The following SEMA3C variants were observed in gnomAD, a reference collection of about 807,000 sequenced individuals.
The protein encoded by SEMA3C is semaphorin-3C.
SEMA3C carries 47 observed loss-of-function variants against 89.4 expected under a neutral mutation model. That is an observed-to-expected ratio of 0.53 (90% CI 0.42 to 0.67). The LOEUF (loss-of-function observed/expected upper bound fraction) is 0.67. SEMA3C is among the 30% of genes least tolerant of loss of function. The pLI, the probability that SEMA3C is intolerant of heterozygous loss-of-function variation, is 0.00. For synonymous variants in SEMA3C, 310 were observed against 320.2 expected, an observed-to-expected ratio of 0.97 and a Z score of 0.34; for missense variants, 839 against 929.1, an observed-to-expected ratio of 0.90 and a Z score of 1.26.
chr7:80,921,445 G>C (rs527701180), upstream of SEMA3C, among the ~76,000 whole-genome samples: 12 of 152,268 alleles, frequency 7.9e-5, no homozygotes, highest in African/African-American at 2.9e-4. Context: ...AAGCCCCTAA[G>C]ATTAATCTCT....
intron 2 of SEMA3C, among the ~76,000 whole-genome samples, chr7:80,902,083 G>C (rs1474737590): frequency 6.6e-6 from 1 of 152,136 alleles, no homozygotes. Context: ...TTCCTGAGTA[G>C]TTGGGACTAC....
intron 2 of SEMA3C, among the ~76,000 whole-genome samples, chr7:80,868,913 G>T (rs1164798533): frequency 6.6e-6 from 1 of 151,932 alleles, no homozygotes; most frequent in Non-Finnish European, 1.5e-5. Flanking sequence ...GCATAACGAG[G>T]TTTTCTTTTC....
intron 11 of SEMA3C, chr7:80,793,566 G>T (rs1390017141): frequency 2.4e-6 from 1 of 410,790 alleles, no homozygotes; most frequent in Non-Finnish European, 4.8e-6. Flanking sequence ...TGAAACAAAT[G>T]TAAGATAAAC....
At chr7:80,747,424 C>T (rs1221514495) in intron 17 of SEMA3C, among the ~76,000 whole-genome samples, 2 of 151,990 alleles carry the variant, frequency 1.3e-5, no homozygotes, top group Non-Finnish European at 2.9e-5. Flanking sequence ...AAGAAAATTA[C>T]ATTTTAGTTG....
chr7:80,774,523 T>A (rs904475835), intron 12 of SEMA3C, among the ~76,000 whole-genome samples: 1 of 151,938 alleles, frequency 6.6e-6, no homozygotes, highest in Non-Finnish European at 1.5e-5. Flanking sequence ...ATAAAGACTA[T>A]CAGCCAAACA....
Position 80,905,851 on chromosome 7 carries a change from C to T in SEMA3C, c.103+10828G>A, listed in dbSNP as rs1037112701. ...TACTAGAGTAGGTGGTTGCTGAGGA[C>T]CAAATTCACGCCACACTTCTTTTTG... is the stretch of plus-strand genomic sequence containing the variant. On this transcript the variant is annotated intron_variant, in intron 2 of 17. Transcript: ENST00000265361. The T allele has an allele frequency of 3.9e-6, 5 of 1,289,518 alleles. No individual in the cohort carries two copies. In the African/African-American group the frequency reaches 4.6e-5, roughly 12 times the overall value. 79.9% of individuals were successfully genotyped at this position (1,289,518 alleles called of 1,614,324 possible). A position where few individuals can be genotyped will look rare whatever the true frequency, so the allele number is the denominator to read the frequency against.
At chr7:80,764,325 G>C (rs919032090) in intron 13 of SEMA3C, among the ~76,000 whole-genome samples, 1 of 152,168 alleles carries the variant, frequency 6.6e-6, no homozygotes, top group African/African-American at 2.4e-5. Context: ...GTGTTCTGCA[G>C]CAGGACTGAT....
At chr7:80,778,787 C>G (rs188857358) in intron 12 of SEMA3C, among the ~76,000 whole-genome samples, 1 of 152,118 alleles carries the variant, frequency 6.6e-6, no homozygotes, top group Non-Finnish European at 1.5e-5. Context: ...TATAACAGTG[C>G]CACATCTGAT....
intron 9 of SEMA3C, among the ~76,000 whole-genome samples, chr7:80,801,784 T>C (rs1789214105): frequency 2.0e-5 from 3 of 149,226 alleles, no homozygotes; most frequent in African/African-American, 4.9e-5. Flanking sequence ...TTCAGGGGAG[T>C]AGAATGAGCA....
intron 2 of SEMA3C, among the ~76,000 whole-genome samples, chr7:80,836,403 C>T (rs768761085): frequency 3.3e-5 from 5 of 152,110 alleles, no homozygotes; most frequent in African/African-American, 4.8e-5. Context: ...CAGTGCTGGG[C>T]GCGGTGGCTC....
chr7:80,771,401 T>C (rs972958513), intron 12 of SEMA3C, among the ~76,000 whole-genome samples: 8 of 152,248 alleles, frequency 5.3e-5, no homozygotes, highest in Non-Finnish European at 1.2e-4. Flanking sequence ...CATCAATCCA[T>C]ATGAGATATT....
chr7:80,801,548 C>T (rs1046439195), intron 9 of SEMA3C, among the ~76,000 whole-genome samples: 1 of 152,008 alleles, frequency 6.6e-6, no homozygotes, highest in Admixed American at 6.6e-5. Flanking sequence ...AAGGCCCAGA[C>T]ATAGTGACAA....
chr7:80,847,796 G>A (rs1197594165), intron 2 of SEMA3C, among the ~76,000 whole-genome samples: 1 of 152,162 alleles, frequency 6.6e-6, no homozygotes, highest in Non-Finnish European at 1.5e-5. Flanking sequence ...ACGCTAGACA[G>A]AGAGGGGGCA....
intron 12 of SEMA3C, among the ~76,000 whole-genome samples, chr7:80,777,300 G>GA (rs920395922): frequency 6.8e-6 from 1 of 148,056 alleles, no homozygotes; most frequent in African/African-American, 2.5e-5. Context: ...TTTATTTGGG[G>GA]TTTTTTTTTT....
intron 2 of SEMA3C, among the ~76,000 whole-genome samples, chr7:80,880,436 A>G (rs1791305987): frequency 6.6e-6 from 1 of 152,202 alleles, no homozygotes; most frequent in Admixed American, 6.5e-5. Context: ...AGTGCTAAGT[A>G]TCTGTTAAAT....
intron 2 of SEMA3C, among the ~76,000 whole-genome samples, chr7:80,897,844 A>T (rs557466727): frequency 6.6e-6 from 1 of 152,338 alleles, no homozygotes; most frequent in African/African-American, 2.4e-5. Context: ...CAGTCAGACA[A>T]TATAGAAAAA....
At chr7:80,749,435 A>T (rs1164678065) in intron 16 of SEMA3C, among the ~76,000 whole-genome samples, 3 of 152,170 alleles carry the variant, frequency 2.0e-5, no homozygotes, top group Non-Finnish European at 4.4e-5. Context: ...GGCAATACCG[A>T]AGCCAGGTTT....
rs1159933729 is a variant in SEMA3C at position 80,765,238 on chromosome 7, C to T, written c.1360G>A (p.Gly454Ser). Residue 454 changes from glycine (G) to serine (S), a missense_variant, in exon 13 of 18, where the codon GGT becomes AGT. Coordinates refer to ENST00000265361, the MANE Select transcript of SEMA3C (RefSeq NM_006379.5). ...YHVLFLGTDR[G>S]TVQKVVVLPT... The stretch of plus-strand genomic sequence containing the variant: ...AGAACAACCACTTTTTGCACAGTAC[C>T]CCGATCTAAATTAAAAAAAGAAGAA... 4.3e-6 allele frequency: 7 copies of T among 1,609,338 alleles called. No individual in the cohort carries two copies. The highest frequency in any genetic ancestry group is 4.2e-6 in the Non-Finnish European group (5 of 1,177,182).
At chr7:80,867,740 A>G (rs1236014081) in intron 2 of SEMA3C, among the ~76,000 whole-genome samples, 3 of 152,044 alleles carry the variant, frequency 2.0e-5, no homozygotes, top group Non-Finnish European at 4.4e-5. Flanking sequence ...ACACACACAC[A>G]TTAACCTCTC....
Sources: gnomAD v4.1 joint callset for allele counts (sites outside exome capture counted in the v4.1 genomes callset) on GRCh38, gnomAD v4.1.1 for gene constraint, MANE v1.5 for transcripts, NCBI Gene and HGNC (gene_info 2026-07-23, HGNC 2026-07-21) for gene names.